The following CAMK1G variants were observed in gnomAD, a reference collection of about 807,000 sequenced individuals.
CAMK1G encodes calcium/calmodulin-dependent protein kinase type 1G.
In CAMK1G, 27 loss-of-function variants were observed where a neutral mutation model predicts 54.8. The ratio of observed to expected loss-of-function variants is 0.49; its 90% CI spans 0.36 to 0.68. CAMK1G has a LOEUF of 0.68. Ranked by LOEUF, CAMK1G falls within the 30% of genes least tolerant of loss-of-function variation. CAMK1G has a pLI of 0.00. For missense variants in CAMK1G, 512 were observed against 591.0 expected (o/e 0.87, Z 1.39); for synonymous variants, 238 against 224.9 (o/e 1.06, Z -0.52).
At chr1:209,604,055 C>T (rs765742792) in intron 4 of CAMK1G, among the ~76,000 whole-genome samples, 2 of 152,228 alleles carry the variant, frequency 1.3e-5, no homozygotes, top group Non-Finnish European at 2.9e-5. Context: ...CACACACTTG[C>T]ACATGCACAG....
chr1:209,602,649 A>G (rs1011968013), intron 3 of CAMK1G, among the ~76,000 whole-genome samples: 1 of 152,226 alleles, frequency 6.6e-6, no homozygotes, highest in Non-Finnish European at 1.5e-5. Flanking sequence ...GCACAAAATT[A>G]TTTTTTAAAT....
At chr1:209,603,182 A>T in intron 3 of CAMK1G, 32 bp from the exon 4 acceptor site, 1 of 1,612,562 alleles carries the variant, frequency 6.2e-7, no homozygotes, top group Non-Finnish European at 8.5e-7. Flanking sequence ...CCTGAACCAC[A>T]TACCTTTCAT....
In CAMK1G at chr1:209,608,995, C is replaced by A. The variant is rs895861870; in HGVS notation, c.651C>A (p.Pro217=). 6.2e-7 allele frequency: 1 copy of A among 1,613,988 alleles called. No individual in the cohort carries two copies. The highest frequency in any genetic ancestry group is 1.3e-5 in the African/African-American group (1 of 74,906). The change falls in exon 8 of 13, where the codon CCC becomes CCA. Residue 217 remains proline (P), a synonymous_variant. Coordinates refer to ENST00000361322, the MANE Select transcript of CAMK1G (RefSeq NM_020439.3). ...VITYILLCGY[P]PFYEETESKL... ...CCTGCTGCAGGCTCTGTGGATACCC[C>A]CCATTCTATGAAGAAACGGAGTCTA...
At chr1:209,599,859 C>A in intron 2 of CAMK1G, 124 bp from the exon 3 acceptor site, 1 of 1,087,798 alleles carries the variant, frequency 9.2e-7, no homozygotes, top group Non-Finnish European at 1.3e-6. Flanking sequence ...GATTTAAATT[C>A]AGTATATGCC....
chr1:209,606,686 C>T (rs527593175), intron 6 of CAMK1G, among the ~76,000 whole-genome samples: 4 of 152,334 alleles, frequency 2.6e-5, no homozygotes, highest in Non-Finnish European at 5.9e-5. Flanking sequence ...CCTGCCTATG[C>T]TTTGGCTCTC....
At chr1:209,598,527 G>T (rs1353192536) in intron 2 of CAMK1G, among the ~76,000 whole-genome samples, 2 of 152,184 alleles carry the variant, frequency 1.3e-5, no homozygotes, top group Non-Finnish European at 2.9e-5. Context: ...AGCTGCAGTG[G>T]AGTCTCTGTC....
chr1:209,605,478 T>A, intron 4 of CAMK1G, 58 bp from the exon 5 acceptor site: 1 of 1,583,230 alleles, frequency 6.3e-7, no homozygotes. Flanking sequence ...AGCAAACACC[T>A]TCTCATTACT....
chr1:209,592,030 T>A (rs1030104735), intron 1 of CAMK1G, among the ~76,000 whole-genome samples: 1 of 152,142 alleles, frequency 6.6e-6, no homozygotes, highest in South Asian at 2.1e-4. Context: ...TGATTGTAGC[T>A]GTTGCCACTG....
At chr1:209,584,375 C>T (rs1665041743) in intron 1 of CAMK1G, among the ~76,000 whole-genome samples, 1 of 152,214 alleles carries the variant, frequency 6.6e-6, no homozygotes, top group African/African-American at 2.4e-5. Flanking sequence ...AGGCTTCAGG[C>T]TCCCTATCCT....
chr1:209,603,431 GT>G (rs1205724311), intron 4 of CAMK1G, 143 bp downstream of exon 4: 18 of 668,308 alleles, frequency 2.7e-5, no homozygotes, highest in Admixed American at 1.1e-4. Flanking sequence ...AATGCCAAGG[GT>G]CCTTTTAGAC....
intron 3 of CAMK1G, among the ~76,000 whole-genome samples, chr1:209,601,298 GA>G (rs1304173751): frequency 2.0e-5 from 3 of 152,238 alleles, no homozygotes; most frequent in Non-Finnish European, 2.9e-5. Context: ...ATGTTTCAAA[GA>G]GAGAAGTGAT....
intron 1 of CAMK1G, among the ~76,000 whole-genome samples, chr1:209,593,009 A>G (rs1255045133): frequency 6.6e-6 from 1 of 152,272 alleles, no homozygotes; most frequent in Non-Finnish European, 1.5e-5. Flanking sequence ...ATAAAAATAA[A>G]AAAGAAACAA....
At chr1:209,605,804 A>T in intron 5 of CAMK1G, 130 bp downstream of exon 5, 1 of 869,444 alleles carries the variant, frequency 1.2e-6, no homozygotes. Context: ...TTCTGCCCTT[A>T]GATTCCTTAA....
chr1:209,595,169 A>G, intron 2 of CAMK1G, 94 bp downstream of exon 2: 2 of 860,474 alleles, frequency 2.3e-6, no homozygotes, highest in South Asian at 2.9e-5. Flanking sequence ...GATGAACTGG[A>G]CTGAGGCTGC....
intron 3 of CAMK1G, 138 bp from the exon 4 acceptor site, chr1:209,603,076 A>G: frequency 1.4e-6 from 1 of 715,802 alleles, no homozygotes; most frequent in Non-Finnish European, 2.4e-6. Flanking sequence ...TCTACTTATT[A>G]TGAAGGCTTC....
chr1:209,608,408 C>G (rs1003151275), intron 7 of CAMK1G, among the ~76,000 whole-genome samples: 2 of 152,176 alleles, frequency 1.3e-5, no homozygotes, highest in African/African-American at 2.4e-5. Context: ...TTCCCAAGCT[C>G]TCCCTTTCCT....
At position 209,608,061 on chromosome 1, in the gene CAMK1G, G is replaced by A. The variant is rs1164608329; in HGVS notation, c.635+128G>A. 15 of 647,488 alleles carry A rather than the reference G, an allele frequency of 2.3e-5. No homozygotes were observed. The South Asian group carries it at 2.4e-4, about 10-fold the overall frequency. 40.1% of individuals were successfully genotyped at this position (647,488 alleles called of 1,614,324 possible). ...TGTGCACAAACAGACACAGGCACAG[G>A]GGCACACGGGTACACACACACACAC... On this transcript the variant is annotated intron_variant, in intron 7 of 12. Coordinates refer to ENST00000361322, the MANE Select transcript of CAMK1G (RefSeq NM_020439.3).
rs567913544 is a variant in CAMK1G, at chr1:209,597,661, T to C, written c.93-2322T>C. Reference sequence around the variant, plus strand: ...ATAGAGCAAGCTCGGGCGGCTTTGATTAACTCAGTTCCAAGTGCAGCTGGG... The same window carrying C: ...ATAGAGCAAGCTCGGGCGGCTTTGACTAACTCAGTTCCAAGTGCAGCTGGG... On this transcript the variant is annotated intron_variant, in intron 2 of 12. Transcript: ENST00000361322. 8.1e-4 allele frequency among the ~76,000 whole-genome samples: 123 copies of C among 152,320 alleles called. 1 individual carries two copies. Among genetic ancestry groups the C allele is most frequent in the Admixed American group, 1.4e-3 (21 of 15,302 alleles).
chr1:209,608,615 ACAC>A (rs1397925269), intron 7 of CAMK1G, among the ~76,000 whole-genome samples: 1 of 152,244 alleles, frequency 6.6e-6, no homozygotes, highest in African/African-American at 2.4e-5. Context: ...GCAGTGAACA[ACAC>A]AGCCTAAATA....
Sources: gnomAD v4.1 joint callset for allele counts (sites outside exome capture counted in the v4.1 genomes callset) on GRCh38, gnomAD v4.1.1 for gene constraint, MANE v1.5 for transcripts, NCBI Gene and HGNC (gene_info 2026-07-23, HGNC 2026-07-21) for gene names.